Variants in NEGR1 observed in about 807,000 individuals in gnomAD.
NEGR1 encodes neuronal growth regulator 1.
Under a neutral mutation model 40.9 loss-of-function variants are expected in NEGR1, and 10 were observed. That is an observed-to-expected ratio of 0.24 (90% CI 0.15 to 0.42). NEGR1 has a LOEUF of 0.42. Among genes scored for constraint, NEGR1 ranks in the 10% least tolerant of loss-of-function variants. The pLI, the probability that NEGR1 is intolerant of heterozygous loss-of-function variation, is 1.00. For synonymous variants in NEGR1, 185 were observed against 166.8 expected (o/e 1.11, Z -0.84); for missense variants, 352 against 438.9 (o/e 0.80, Z 1.77).
At chr1:71,430,264 T>C (rs1480262375) in intron 6 of NEGR1, among the ~76,000 whole-genome samples, 1 of 152,172 alleles carries the variant, frequency 6.6e-6, no homozygotes, top group African/African-American at 2.4e-5. Flanking sequence ...CTCTATGGTC[T>C]CATTTAGATC....
At chr1:71,668,403 A>C (rs889462063) in intron 4 of NEGR1, among the ~76,000 whole-genome samples, 1 of 152,214 alleles carries the variant, frequency 6.6e-6, no homozygotes, top group African/African-American at 2.4e-5. Context: ...AGGCTGATAG[A>C]GGAGGATAGA....
intron 2 of NEGR1, among the ~76,000 whole-genome samples, chr1:71,887,339 T>C (rs1263010110): frequency 1.3e-5 from 2 of 152,288 alleles, no homozygotes; most frequent in East Asian, 3.9e-4. Flanking sequence ...ATTTATGTTG[T>C]TCAAGGGTCA....
At chr1:71,491,553 T>C (rs550169473) in intron 6 of NEGR1, among the ~76,000 whole-genome samples, 1 of 148,182 alleles carries the variant, frequency 6.7e-6, no homozygotes, top group African/African-American at 2.5e-5. Flanking sequence ...TTTTGGTACC[T>C]CCAATGACCA....
At chr1:71,505,434 A>C (rs1647025715) in intron 6 of NEGR1, among the ~76,000 whole-genome samples, 1 of 152,088 alleles carries the variant, frequency 6.6e-6, no homozygotes, top group South Asian at 2.1e-4. Context: ...GGTGTCCGCC[A>C]CTGCGCCAGA....
chr1:71,852,968 G>A (rs1485826445), intron 2 of NEGR1, among the ~76,000 whole-genome samples: 1 of 152,042 alleles, frequency 6.6e-6, no homozygotes, highest in African/African-American at 2.4e-5. Context: ...AGATCACAGA[G>A]ATTTCAATGT....
chr1:71,876,555 AGAAG>A (rs1032366678), intron 2 of NEGR1, among the ~76,000 whole-genome samples: 5 of 150,254 alleles, frequency 3.3e-5, no homozygotes, highest in African/African-American at 4.9e-5. Flanking sequence ...GAGAGAGAGG[AGAAG>A]GAAGGAAGGA....
chr1:71,697,776 A>C (rs1307194279), intron 4 of NEGR1, among the ~76,000 whole-genome samples: 2 of 151,746 alleles, frequency 1.3e-5, no homozygotes, highest in African/African-American at 4.8e-5. Flanking sequence ...GAGAGTATTA[A>C]ACACATTTCA....
At chr1:71,851,479 T>G (rs1452188716) in intron 2 of NEGR1, among the ~76,000 whole-genome samples, 1 of 152,190 alleles carries the variant, frequency 6.6e-6, no homozygotes. Context: ...ATCGTTGTAT[T>G]AGGAAATAAC....
At chr1:71,417,961 CT>C in intron 6 of NEGR1, among the ~76,000 whole-genome samples, 1 of 152,116 alleles carries the variant, frequency 6.6e-6, no homozygotes. Context: ...TAAAACAGAG[CT>C]TTTAAAATTC....
chr1:71,732,492 C>CTGTGTGTG (rs141925137), intron 3 of NEGR1, among the ~76,000 whole-genome samples: 1,493 of 147,254 alleles, frequency 0.01, 18 homozygotes, highest in African/African-American at 0.018. Context: ...TTACTGAATG[C>CTGTGTGTG]TGTGTGTGTG....
chr1:71,455,639 C>T (rs973611823), intron 6 of NEGR1, among the ~76,000 whole-genome samples: 17 of 152,094 alleles, frequency 1.1e-4, no homozygotes, highest in African/African-American at 3.6e-4. Flanking sequence ...GCAGGGGAAT[C>T]GCTTGAACCC....
At chr1:71,816,698 G>T (rs1047926913) in intron 2 of NEGR1, among the ~76,000 whole-genome samples, 3 of 151,948 alleles carry the variant, frequency 2.0e-5, no homozygotes, top group African/African-American at 7.2e-5. Flanking sequence ...ATATCACTTT[G>T]TTTCATACAG....
At chr1:71,717,532 C>G (rs1427708026) in intron 3 of NEGR1, among the ~76,000 whole-genome samples, 1 of 152,106 alleles carries the variant, frequency 6.6e-6, no homozygotes, top group Non-Finnish European at 1.5e-5. Flanking sequence ...ACATTATTCA[C>G]AATTTCACCA....
At chr1:72,147,020 T>C (rs796648218) in intron 1 of NEGR1, among the ~76,000 whole-genome samples, 23 of 152,354 alleles carry the variant, frequency 1.5e-4, no homozygotes, top group Admixed American at 3.9e-4. Flanking sequence ...TTTGGTTGTG[T>C]CTGACTTAGC....
intron 2 of NEGR1, among the ~76,000 whole-genome samples, chr1:71,788,410 C>T (rs1334249315): frequency 1.2e-4 from 18 of 151,702 alleles, no homozygotes; most frequent in Admixed American, 1.1e-3. Context: ...TATTGAAATG[C>T]TATGCCTACT....
At chr1:72,066,701 G>A (rs1647281604) in intron 1 of NEGR1, among the ~76,000 whole-genome samples, 1 of 152,114 alleles carries the variant, frequency 6.6e-6, no homozygotes, top group Non-Finnish European at 1.5e-5. Context: ...TACAAGCTAG[G>A]AAGAGGCCTC....
intron 2 of NEGR1, among the ~76,000 whole-genome samples, chr1:71,787,971 AG>A (rs1319917863): frequency 6.6e-6 from 1 of 152,222 alleles, no homozygotes; most frequent in East Asian, 1.9e-4. Flanking sequence ...AACCATGATT[AG>A]ATTTACAGAG....
At chr1:71,681,495 G>T (rs917322951) in intron 4 of NEGR1, among the ~76,000 whole-genome samples, 1 of 152,080 alleles carries the variant, frequency 6.6e-6, no homozygotes. Flanking sequence ...TTTTACAGGT[G>T]ATCTTTTTTT....
At chr1:71,618,236 G>A (rs1284684625) in intron 4 of NEGR1, among the ~76,000 whole-genome samples, 1 of 152,122 alleles carries the variant, frequency 6.6e-6, no homozygotes, top group Non-Finnish European at 1.5e-5. Context: ...AAAGACACCC[G>A]AACTAGGAAG....
Sources: gnomAD v4.1 joint callset for allele counts (sites outside exome capture counted in the v4.1 genomes callset) on GRCh38, gnomAD v4.1.1 for gene constraint, MANE v1.5 for transcripts, NCBI Gene and HGNC (gene_info 2026-07-23, HGNC 2026-07-21) for gene names.